TENM2: variants seen among roughly 807,000 people sequenced by gnomAD.
TENM2 encodes the protein teneurin-2.
Under a neutral mutation model 245.2 loss-of-function variants are expected in TENM2, and 52 were observed. That is an observed-to-expected ratio of 0.21 (90% confidence interval 0.17 to 0.27). The LOEUF (loss-of-function observed/expected upper bound fraction) is 0.27, where lower values mean the gene tolerates loss of function less well. Among genes scored for constraint, TENM2 ranks in the 10% least tolerant of loss-of-function variants. The probability of loss-of-function intolerance (pLI) is 1.00; values close to 1 mark genes in which losing one functional copy is unlikely to be tolerated. For missense variants in TENM2, 3,046 were observed against 3,666.8 expected, an observed-to-expected ratio of 0.83 and a Z score of 4.37; for synonymous variants, 1,363 against 1,438.9, an observed-to-expected ratio of 0.95 and a Z score of 1.19.
At chr5:168,201,504 C>T (rs1441160366) in intron 17 of TENM2, among the ~76,000 whole-genome samples, 5 of 152,074 alleles carry the variant, frequency 3.3e-5, no homozygotes, top group Non-Finnish European at 7.4e-5. Context: ...TCCCCTTTCT[C>T]CTGTATTTTT....
At chr5:167,655,026 A>T (rs975421712) in intron 2 of TENM2, among the ~76,000 whole-genome samples, 1 of 152,180 alleles carries the variant, frequency 6.6e-6, no homozygotes, top group Non-Finnish European at 1.5e-5. Context: ...TATAAACATT[A>T]TGTCTTCATT....
intron 24 of TENM2, among the ~76,000 whole-genome samples, chr5:168,227,690 TTA>T (rs919780642): frequency 6.6e-6 from 1 of 152,142 alleles, no homozygotes; most frequent in African/African-American, 2.4e-5. Context: ...GTGCCACATA[TTA>T]TGTTTTTCTT....
In TENM2 at chr5:168,254,387, G is replaced by A. The variant is rs545631524; in HGVS notation, c.7433-5896G>A. 6.6e-5 allele frequency among the ~76,000 whole-genome samples: 10 copies of A among 152,130 alleles called. No homozygotes were observed. The East Asian group carries it at 1.6e-3, about 24-fold the overall frequency. On this transcript the variant is annotated intron_variant, in intron 27 of 28. Transcript: ENST00000518659. ...AATAAACATTTCCAAAGGGATTGAGGCTCAGAAACCAGCCATGTTAGAAAA... is the reference window on the plus strand; with the variant it reads ...AATAAACATTTCCAAAGGGATTGAGACTCAGAAACCAGCCATGTTAGAAAA...
At chr5:166,989,841 T>C in the TENM2 span, among the ~76,000 whole-genome samples, 2 of 149,528 alleles carry the variant, frequency 1.3e-5, no homozygotes, top group African/African-American at 5.0e-5. Flanking sequence ...TGGAAGGCAT[T>C]CTAGATGATA....
intron 1 of TENM2, among the ~76,000 whole-genome samples, chr5:167,372,122 C>A (rs934992740): frequency 6.6e-6 from 1 of 151,804 alleles, no homozygotes; most frequent in Non-Finnish European, 1.5e-5. Context: ...AGAGGAAAAT[C>A]TTCCTTTCTA....
chr5:168,231,590 G>A (rs34750004), intron 25 of TENM2, among the ~76,000 whole-genome samples: 1 of 152,162 alleles, frequency 6.6e-6, no homozygotes, highest in African/African-American at 2.4e-5. Flanking sequence ...GATGTGCTGG[G>A]ATGTGTGGCA....
chr5:167,376,775 G>A (rs979628111), intron 2 of TENM2, among the ~76,000 whole-genome samples: 6 of 152,060 alleles, frequency 3.9e-5, no homozygotes, highest in African/African-American at 1.4e-4. Context: ...GACACTCTGA[G>A]GTGCTTATTT....
rs141084985 is a variant in TENM2, at chr5:167,286,880, C to A, written c.226+1817C>A. On this transcript the variant is annotated intron_variant, in intron 1 of 28. Transcript: ENST00000518659. ...TTTTATTTTCAAATATACCTTTATT[C>A]TTCCTGTTTAGTCTTGTTCCCCTCC... is the stretch of plus-strand genomic sequence containing the variant. Among the ~76,000 whole-genome samples, 73 of 152,186 alleles carry A rather than the reference C, an allele frequency of 4.8e-4. 1 individual carries two copies. Among genetic ancestry groups the A allele is most frequent in the African/African-American group, 1.6e-3 (68 of 41,530 alleles).
chr5:167,734,666 A>C (rs1388863244), intron 2 of TENM2, among the ~76,000 whole-genome samples: 1 of 152,066 alleles, frequency 6.6e-6, no homozygotes. Context: ...TGCAGCTTTC[A>C]GTACTGTGGT....
At chr5:167,832,354 A>G (rs1768575973) in intron 2 of TENM2, among the ~76,000 whole-genome samples, 2 of 152,248 alleles carry the variant, frequency 1.3e-5, no homozygotes, top group South Asian at 2.1e-4. Context: ...GCACACACGC[A>G]TGCTCACAGG....
chr5:168,001,711 T>C (rs1286917906), intron 5 of TENM2, among the ~76,000 whole-genome samples: 2 of 152,224 alleles, frequency 1.3e-5, no homozygotes, highest in African/African-American at 4.8e-5. Context: ...CATTGAAAAT[T>C]CTTTTATAGA....
chr5:167,783,722 A>T (rs1434476622), intron 2 of TENM2, among the ~76,000 whole-genome samples: 1 of 152,148 alleles, frequency 6.6e-6, no homozygotes, highest in East Asian at 1.9e-4. Flanking sequence ...TTACGAAACC[A>T]TCAGCCAGTA....
chr5:167,474,155 TTAGAGATG>T (rs955989984), intron 2 of TENM2, among the ~76,000 whole-genome samples: 1 of 152,002 alleles, frequency 6.6e-6, no homozygotes, highest in African/African-American at 2.4e-5. Flanking sequence ...ATGAAAACTT[TTAGAGATG>T]TAGATGAAGT....
the TENM2 span, among the ~76,000 whole-genome samples, chr5:167,175,207 A>T: frequency 2.0e-5 from 3 of 152,184 alleles, no homozygotes; most frequent in Non-Finnish European, 4.4e-5. Flanking sequence ...CTTTTAAAAA[A>T]TTTTAAATAT....
At chr5:167,020,213 G>T in the TENM2 span, among the ~76,000 whole-genome samples, 1 of 152,114 alleles carries the variant, frequency 6.6e-6, no homozygotes, top group African/African-American at 2.4e-5. Flanking sequence ...TTTGTGAGTA[G>T]CTTTGAGGTC....
intron 1 of TENM2, among the ~76,000 whole-genome samples, chr5:167,342,874 T>C (rs1036936270): frequency 7.0e-6 from 1 of 142,066 alleles, no homozygotes; most frequent in African/African-American, 2.6e-5. Context: ...TTTTTTTTTT[T>C]GAAGAAAGTC....
At chr5:167,707,487 T>G (rs1758615275) in intron 2 of TENM2, among the ~76,000 whole-genome samples, 1 of 152,228 alleles carries the variant, frequency 6.6e-6, no homozygotes, top group South Asian at 2.1e-4. Context: ...ATGGAAACCA[T>G]TTCCAATGTG....
chr5:167,219,435 C>T, the TENM2 span, among the ~76,000 whole-genome samples: 1 of 152,140 alleles, frequency 6.6e-6, no homozygotes, highest in Non-Finnish European at 1.5e-5. Flanking sequence ...AAGTTGTTAC[C>T]CCTGAGGGTG....
intron 1 of TENM2, among the ~76,000 whole-genome samples, chr5:167,367,414 T>C (rs1187462160): frequency 6.6e-6 from 1 of 152,186 alleles, no homozygotes; most frequent in African/African-American, 2.4e-5. Flanking sequence ...TAATAATGCA[T>C]GTACACTTAC....
Sources: gnomAD v4.1 joint callset for allele counts (sites outside exome capture counted in the v4.1 genomes callset) on GRCh38, gnomAD v4.1.1 for gene constraint, MANE v1.5 for transcripts, NCBI Gene and HGNC (gene_info 2026-07-23, HGNC 2026-07-21) for gene names.